FGD5: variants seen among roughly 807,000 people sequenced by gnomAD.
FGD5 encodes the protein FYVE, RhoGEF and PH domain-containing protein 5.
A neutral mutation model predicts 133.4 loss-of-function variants in FGD5; 28 were observed. The ratio of observed to expected loss-of-function variants is 0.21; its 90% confidence interval spans 0.16 to 0.29. The LOEUF is 0.29. Ranked by LOEUF, FGD5 falls within the 10% of genes least tolerant of loss-of-function variation. FGD5 has a pLI of 1.00. For missense variants in FGD5, 1,858 were observed against 1,895.2 expected, an observed-to-expected ratio of 0.98 and a Z score of 0.36; for synonymous variants, 810 against 776.5, an observed-to-expected ratio of 1.04 and a Z score of -0.72.
intron 8 of FGD5, 35 bp from the exon 9 acceptor site, chr3:14,900,968 C>A: frequency 1.2e-6 from 2 of 1,613,396 alleles, no homozygotes. Flanking sequence ...GCCCCTCTTG[C>A]AATGGCCCAA....
At position 14,923,352 on chromosome 3, in the gene FGD5, T is replaced by C. The variant is rs143543001; in HGVS notation, c.3937+177T>C. 4.1e-4 allele frequency: 356 copies of C among 866,992 alleles called. 4 individuals carry two copies. The East Asian group carries it at 7.5e-3, about 18-fold the overall frequency. The allele number at this position is 866,992 out of a possible 1,614,324, so 53.7% of individuals were successfully genotyped here. On this transcript the variant is annotated intron_variant, in intron 16 of 19. Transcript: ENST00000285046. ...ACCATTTTCCAATATGTGGATTCTGTGGAAAATTGATCGGTGTCCCCAGAA... is the reference window on the plus strand; with the variant it reads ...ACCATTTTCCAATATGTGGATTCTGCGGAAAATTGATCGGTGTCCCCAGAA...
At chr3:14,923,654 G>T (rs902484579) in intron 16 of FGD5, among the ~76,000 whole-genome samples, 1 of 152,200 alleles carries the variant, frequency 6.6e-6, no homozygotes, top group Admixed American at 6.5e-5. Context: ...GCCCAAGCAG[G>T]GTCAAGTTCC....
Position 14,932,736 on chromosome 3 carries a change from G to A in FGD5, c.4352+5G>A, listed in dbSNP as rs1404012111. ...AGATACCAATTCAGCTCAGAGGTAC[G>A]AAAAGAACTAATTAGTCTTATAGCT... On this transcript the variant is annotated splice_donor_5th_base_variant and intron_variant, in intron 19 of 19. Transcript: ENST00000285046. 6 of 1,610,528 alleles carry A rather than the reference G, an allele frequency of 3.7e-6. No homozygotes were observed. The highest frequency in any genetic ancestry group is 2.7e-5 in the African/African-American group (2 of 74,748).
At chr3:14,918,913 G>A (rs918723485) in intron 13 of FGD5, 80 bp downstream of exon 13, 6 of 1,476,010 alleles carry the variant, frequency 4.1e-6, no homozygotes, top group Non-Finnish European at 5.7e-6. Context: ...ATAAGGATGT[G>A]CTGTTTTTAT....
intron 1 of FGD5, among the ~76,000 whole-genome samples, chr3:14,844,218 ATATATATATAT>A (rs1336098320): frequency 0.033 from 709 of 21,656 alleles, 94 homozygotes; most frequent in Admixed American, 0.058. Flanking sequence ...AAAAAAAAAA[ATATATATATAT>A]ATATATATAT....
chr3:14,908,828 C>T (rs1029915580), intron 10 of FGD5, among the ~76,000 whole-genome samples: 5 of 151,280 alleles, frequency 3.3e-5, no homozygotes, highest in African/African-American at 9.7e-5. Context: ...TGCAGTGAGC[C>T]GAGATCGCGC....
intron 1 of FGD5, among the ~76,000 whole-genome samples, chr3:14,851,406 T>A (rs982984044): frequency 5.9e-5 from 9 of 152,126 alleles, no homozygotes; most frequent in African/African-American, 2.2e-4. Flanking sequence ...CATCAGACAG[T>A]CAGGTCCCAA....
rs573742565 is a variant in FGD5 at position 14,918,819 on chromosome 3, G to A, written c.3555G>A (p.Leu1185=). 6.2e-7 allele frequency: 1 copy of A among 1,613,948 alleles called. No individual in the cohort carries two copies. The highest frequency in any genetic ancestry group is 1.1e-5 in the South Asian group (1 of 91,076). The change falls in exon 13 of 20, where the codon CTG becomes CTA. Residue 1185 remains leucine, a synonymous_variant. Transcript: ENST00000285046. ...AGATTGAGACTTCCGAGTCCTGCCT[G>A]ATGCTGTCTGCGAGGTACGGGCAGG... ...ALKIETSESC[L]MLSASSCAER...
In FGD5 at chr3:14,909,711, TAC is replaced by T. The variant is rs1291675969; in HGVS notation, c.3337-1144_3337-1143del. ...TGTTTTTAAGTACATACACAGTGCT[TAC>T]ACACAAATTCAACATTGTGATAATG... On this transcript the variant is annotated intron_variant, in intron 10 of 19. Coordinates refer to ENST00000285046, the MANE Select transcript of FGD5 (RefSeq NM_152536.4). Among the ~76,000 whole-genome samples the T allele has an allele frequency of 3.3e-5, 5 of 152,158 alleles. No homozygotes were observed. The East Asian group carries it at 5.8e-4, about 18-fold the overall frequency.
At chr3:14,841,534 A>G (rs900544314) in intron 1 of FGD5, among the ~76,000 whole-genome samples, 4 of 149,706 alleles carry the variant, frequency 2.7e-5, no homozygotes, top group Admixed American at 6.7e-5. Context: ...GGAGAGAGGA[A>G]GGAGATGAAC....
intron 10 of FGD5, among the ~76,000 whole-genome samples, chr3:14,909,825 T>C (rs2038413579): frequency 6.6e-6 from 1 of 150,522 alleles, no homozygotes; most frequent in Non-Finnish European, 1.5e-5. Flanking sequence ...CAGAGTTCAG[T>C]GGCTATCTAG....
upstream of FGD5, among the ~76,000 whole-genome samples, chr3:14,818,196 G>T (rs41451546): frequency 0.047 from 7,078 of 152,214 alleles, 549 homozygotes; most frequent in African/African-American, 0.16. Flanking sequence ...CTTTTCCAGA[G>T]ATCCATGTTG....
At chr3:14,893,811 G>GT (rs1303715773) in intron 4 of FGD5, among the ~76,000 whole-genome samples, 1 of 128,672 alleles carries the variant, frequency 7.8e-6, no homozygotes, top group Non-Finnish European at 1.6e-5. Flanking sequence ...CTGGAGTGCA[G>GT]TGGCCATGCA....
chr3:14,853,636 CTTTTTTTTTTTTTTTTT>C (rs34008934), intron 1 of FGD5, among the ~76,000 whole-genome samples: 1 of 37,094 alleles, frequency 2.7e-5, no homozygotes, highest in African/African-American at 1.2e-4. Flanking sequence ...AAAAGCGTTC[CTTTTTTTTTTTTTTTTT>C]TTTTTTTTTT....
chr3:14,901,650 G>A (rs570901012), intron 9 of FGD5, among the ~76,000 whole-genome samples: 2 of 152,274 alleles, frequency 1.3e-5, no homozygotes, highest in African/African-American at 4.8e-5. Context: ...CGAGTCCTAG[G>A]TCACTGGAAA....
intron 1 of FGD5, among the ~76,000 whole-genome samples, chr3:14,841,413 C>T (rs149499041): frequency 4.6e-5 from 7 of 152,196 alleles, no homozygotes; most frequent in African/African-American, 9.6e-5. Context: ...CATGGGGAGC[C>T]GCTGGGTTAA....
intron 1 of FGD5, among the ~76,000 whole-genome samples, chr3:14,853,696 TC>T (rs1213220271): frequency 7.6e-6 from 1 of 131,436 alleles, no homozygotes; most frequent in Non-Finnish European, 1.6e-5. Context: ...TTGGCTGTGC[TC>T]AGAGTTATGG....
chr3:14,826,790 C>T (rs1180611257), intron 1 of FGD5, among the ~76,000 whole-genome samples: 5 of 152,052 alleles, frequency 3.3e-5, no homozygotes, highest in East Asian at 1.9e-4. Context: ...ACACACACAA[C>T]GACTGTTCTG....
At position 14,869,170 on chromosome 3, in the gene FGD5, T is replaced by G. The variant is rs554863188; in HGVS notation, c.2658+4910T>G. ...TTATCTGGGTGTGGTGGCACGTGCC[T>G]GTAGTCCCAGCTACTTTGGAGGCTA... On this transcript the variant is annotated intron_variant, in intron 2 of 19. Coordinates refer to ENST00000285046, the MANE Select transcript of FGD5 (RefSeq NM_152536.4). Among the ~76,000 whole-genome samples, 7 of 152,178 alleles carry G rather than the reference T, an allele frequency of 4.6e-5. No individual in the cohort carries two copies. In the South Asian group the frequency reaches 1.3e-3, roughly 27 times the overall value.
Sources: allele counts gnomAD v4.1 joint callset (sites outside exome capture counted in the v4.1 genomes callset), GRCh38; gene constraint gnomAD v4.1.1; transcripts MANE v1.5; gene names NCBI Gene and HGNC (gene_info 2026-07-23, HGNC 2026-07-21).